PDE8B: variants seen among roughly 807,000 people sequenced by gnomAD.
The protein encoded by PDE8B is phosphodiesterase 8B.
In PDE8B, 26 loss-of-function variants were observed where a neutral mutation model predicts 101.3. The ratio of observed to expected loss-of-function variants is 0.26; its 90% confidence interval spans 0.19 to 0.36. PDE8B has a LOEUF of 0.36. PDE8B is among the 10% of genes least tolerant of loss of function. PDE8B has a pLI of 1.00. For missense variants in PDE8B, 810 were observed against 1,163.1 expected, an observed-to-expected ratio of 0.70 and a Z score of 4.42; for synonymous variants, 424 against 429.3, an observed-to-expected ratio of 0.99 and a Z score of 0.15.
intron 1 of PDE8B, among the ~76,000 whole-genome samples, chr5:77,289,027 T>C (rs1375572695): frequency 6.6e-6 from 1 of 152,150 alleles, no homozygotes; most frequent in African/African-American, 2.4e-5. Context: ...CTTTCTTCGC[T>C]TCTCTTTTTA....
the PDE8B span, chr5:77,088,881 A>G: frequency 6.6e-6 from 1 of 152,200 alleles, no homozygotes; most frequent in Non-Finnish European, 1.5e-5. Context: ...GGCCTTTGCC[A>G]GGGAACGGCC....
chr5:77,346,445 C>T (rs988424957), intron 7 of PDE8B, among the ~76,000 whole-genome samples: 2 of 152,214 alleles, frequency 1.3e-5, no homozygotes, highest in Admixed American at 1.3e-4. Flanking sequence ...AGAAGGGGCT[C>T]CCTGCCCACT....
chr5:77,099,246 A>G, the PDE8B span, among the ~76,000 whole-genome samples: 1 of 152,212 alleles, frequency 6.6e-6, no homozygotes. Context: ...TTTAGGCAAG[A>G]GAGTTACATG....
chr5:77,309,943 C>CT lies in PDE8B; in HGVS notation c.340-2028dup, dbSNP rs955296324. ...CTGGTTTCCCTTTTTAATCATTAAT[C>CT]TTTTTTTTTTTTTTTTTTTTTTTGA... On this transcript the variant is annotated intron_variant, in intron 1 of 21. Coordinates refer to ENST00000264917, the MANE Select transcript of PDE8B (RefSeq NM_003719.5). Among the ~76,000 whole-genome samples the CT allele has an allele frequency of 1.4e-3, 161 of 114,128 alleles. 16 individuals carry two copies. Among genetic ancestry groups the CT allele is most frequent in the East Asian group, 6.4e-3 (24 of 3,750 alleles). 74.9% of individuals were successfully genotyped at this position (114,128 alleles called of 152,430 possible).
chr5:77,324,179 T>C (rs560332715), intron 2 of PDE8B, among the ~76,000 whole-genome samples: 1 of 152,326 alleles, frequency 6.6e-6, no homozygotes, highest in East Asian at 1.9e-4. Flanking sequence ...GCCTTAACGA[T>C]ATCTTGAGAT....
chr5:77,336,312 C>A (rs1355916571), intron 5 of PDE8B, among the ~76,000 whole-genome samples: 4 of 152,274 alleles, frequency 2.6e-5, no homozygotes, highest in Admixed American at 2.6e-4. Flanking sequence ...AGAGTGAGAA[C>A]CTGTTGCAAA....
chr5:77,278,133 A>G (rs1764202925), intron 1 of PDE8B, among the ~76,000 whole-genome samples: 1 of 152,014 alleles, frequency 6.6e-6, no homozygotes, highest in Admixed American at 6.6e-5. Context: ...CCTTATTGTA[A>G]TGACAGCTGG....
the PDE8B span, among the ~76,000 whole-genome samples, chr5:77,203,683 A>G: frequency 1.3e-5 from 2 of 152,144 alleles, no homozygotes; most frequent in Non-Finnish European, 2.9e-5. Flanking sequence ...ACTACCAGAG[A>G]CTTTGTTTGT....
chr5:77,413,306 A>G lies in PDE8B; in HGVS notation c.1908A>G (p.Val636=), dbSNP rs746982817. 44 of 1,613,346 alleles carry G rather than the reference A, an allele frequency of 2.7e-5. No individual in the cohort carries two copies. Among genetic ancestry groups the G allele is most frequent in the Non-Finnish European group, 3.5e-5 (41 of 1,179,412 alleles). The part of the protein sequence containing the change: ...ATAFFLGKER[V]KGSLDQLDEV... ...CTTTCTTTCTTGGAAAGGAAAGAGT[A>G]AAGGTAGGATTTTGATATCATGACC... is the stretch of plus-strand genomic sequence containing the variant. Residue 636 remains valine (V), a synonymous_variant, in exon 17 of 22, where the codon GTA becomes GTG. Coordinates refer to ENST00000264917, the MANE Select transcript of PDE8B (RefSeq NM_003719.5).
intron 14 of PDE8B, chr5:77,410,997 G>A (rs1794463000): frequency 6.6e-6 from 1 of 152,564 alleles, no homozygotes; most frequent in African/African-American, 2.4e-5. Context: ...AAGGTGGAGG[G>A]AAGGAAACTG....
upstream of PDE8B, among the ~76,000 whole-genome samples, chr5:77,206,589 T>G (rs1461250084): frequency 6.6e-6 from 1 of 152,036 alleles, no homozygotes; most frequent in African/African-American, 2.4e-5. Context: ...GGAGAGACAA[T>G]GAGGAGGCTG....
chr5:77,178,998 T>C, the PDE8B span, among the ~76,000 whole-genome samples: 1 of 152,236 alleles, frequency 6.6e-6, no homozygotes, highest in African/African-American at 2.4e-5. Flanking sequence ...ACCTTTGCCA[T>C]GTTCCATAGG....
upstream of PDE8B, among the ~76,000 whole-genome samples, chr5:77,206,401 G>A (rs958904725): frequency 3.9e-5 from 6 of 152,260 alleles, no homozygotes; most frequent in African/African-American, 1.4e-4. Flanking sequence ...AGGAGTGGTA[G>A]AGGAACAATA....
intron 10 of PDE8B, among the ~76,000 whole-genome samples, chr5:77,380,083 A>T (rs560293056): frequency 6.6e-6 from 1 of 152,234 alleles, no homozygotes; most frequent in South Asian, 2.1e-4. Flanking sequence ...ACTTTTGTTC[A>T]TCTTAACCAG....
the PDE8B span, among the ~76,000 whole-genome samples, chr5:77,122,962 G>C: frequency 0.018 from 2,716 of 152,224 alleles, 93 homozygotes; most frequent in African/African-American, 0.06. Context: ...TTGTGATTCA[G>C]GGAGATGAAA....
intron 1 of PDE8B, among the ~76,000 whole-genome samples, chr5:77,222,667 A>G (rs1011235901): frequency 6.6e-5 from 10 of 152,086 alleles, no homozygotes; most frequent in African/African-American, 2.2e-4. Flanking sequence ...TGGGAAGGCA[A>G]TGTGTTGACT....
chr5:77,381,457 C>T (rs1787440071), intron 10 of PDE8B, among the ~76,000 whole-genome samples: 1 of 152,302 alleles, frequency 6.6e-6, no homozygotes, highest in African/African-American at 2.4e-5. Flanking sequence ...ATGACTCAGA[C>T]ATTTCTACCA....
At position 77,427,507 on chromosome 5, in the gene PDE8B, G is replaced by A. The variant is rs182518582; in HGVS notation, c.*953G>A. 3.3e-5 allele frequency: 5 copies of A among 152,150 alleles called. No individual in the cohort carries two copies. Among genetic ancestry groups the A allele is most frequent in the African/African-American group, 9.6e-5 (4 of 41,468 alleles). 9.4% of individuals were successfully genotyped at this position (152,150 alleles called of 1,614,324 possible). ...ATGTTGTGCCATGCACCATCTATACGTAATATTTTGGGAGGGGATAGGGGA... is the reference window on the plus strand; with the variant it reads ...ATGTTGTGCCATGCACCATCTATACATAATATTTTGGGAGGGGATAGGGGA... On this transcript the variant is annotated 3_prime_UTR_variant, in exon 22 of 22. Transcript: ENST00000264917.
the PDE8B span, among the ~76,000 whole-genome samples, chr5:77,193,753 TA>T: frequency 6.6e-6 from 1 of 152,178 alleles, no homozygotes; most frequent in African/African-American, 2.4e-5. Flanking sequence ...TAGATCAATT[TA>T]GGGGGAACTG....
Sources: allele counts gnomAD v4.1 joint callset (sites outside exome capture counted in the v4.1 genomes callset), GRCh38; gene constraint gnomAD v4.1.1; transcripts MANE v1.5; gene names NCBI Gene and HGNC (gene_info 2026-07-23, HGNC 2026-07-21).